MCM5: variants seen among roughly 807,000 people sequenced by gnomAD.
MCM5 encodes the protein DNA replication licensing factor MCM5.
MCM5 carries 46 observed loss-of-function variants against 79.9 expected under a neutral mutation model. The observed-to-expected ratio is 0.58, with a 90% CI of 0.45 to 0.74. The LOEUF (loss-of-function observed/expected upper bound fraction) is 0.74. Ranked by LOEUF, MCM5 falls within the 30% of genes least tolerant of loss-of-function variation. The probability of loss-of-function intolerance (pLI) is 0.00; values close to 1 mark genes in which losing one functional copy is unlikely to be tolerated. For missense variants in MCM5, 883 were observed against 1,017.0 expected, an observed-to-expected ratio of 0.87 and a Z score of 1.79; for synonymous variants, 404 against 390.5, an observed-to-expected ratio of 1.03 and a Z score of -0.41.
chr22:35,421,465 G>A lies in MCM5; in HGVS notation c.1975+5G>A. On this transcript the variant is annotated splice_donor_5th_base_variant and intron_variant, in intron 15 of 16. Coordinates refer to ENST00000216122, the MANE Select transcript of MCM5 (RefSeq NM_006739.4). ...CCTTGTCCGGTACCCTGTCAGGTGA[G>A]CAGATGCAGGGGCCATGGTCTCAAT... The A allele has an allele frequency of 6.2e-7, 1 of 1,614,094 alleles. No individual in the cohort carries two copies. The highest frequency in any genetic ancestry group is 1.1e-5 in the South Asian group (1 of 91,088).
Position 35,424,187 on chromosome 22 carries a change from C to CA in MCM5, c.2138dup (p.Leu714AlafsTer45), listed in dbSNP as rs1308074301. ...GGAGCACGCCATCCACAAGGTGCTG[C>CA]AGCTCATGCTGCGGCGCGGCGAGAT... On this transcript the variant is annotated frameshift_variant, in exon 17 of 17. Transcript: ENST00000216122. LOFTEE classifies it high-confidence loss of function. 6.4e-7 allele frequency: 1 copy of CA among 1,553,118 alleles called. No individual in the cohort carries two copies. Among genetic ancestry groups the CA allele is most frequent in the South Asian group, 1.2e-5 (1 of 84,022 alleles).
At chr22:35,441,491 A>C in the MCM5 span, among the ~76,000 whole-genome samples, 570 of 152,276 alleles carry the variant, frequency 3.7e-3, 7 homozygotes, top group African/African-American at 0.013. Context: ...TATCCCTCAC[A>C]CAGCCCCATA....
chr22:35,415,502 T>C (rs1932514873), intron 9 of MCM5, among the ~76,000 whole-genome samples: 1 of 152,190 alleles, frequency 6.6e-6, no homozygotes, highest in African/African-American at 2.4e-5. Flanking sequence ...ATCCTAGCCC[T>C]GAGGCTAACT....
chr22:35,412,213 C>T (rs946365481), intron 7 of MCM5, among the ~76,000 whole-genome samples: 1 of 152,204 alleles, frequency 6.6e-6, no homozygotes, highest in Non-Finnish European at 1.5e-5. Flanking sequence ...CTATATCACT[C>T]CTCGGCTGAA....
At chr22:35,414,101 TC>T (rs1932469241) in intron 9 of MCM5, 115 bp downstream of exon 9, 4 of 664,386 alleles carry the variant, frequency 6.0e-6, no homozygotes, top group Non-Finnish European at 1.1e-5. Context: ...AATCTCTTCC[TC>T]CTTTCTCTTG....
chr22:35,409,150 A>G (rs748434367), intron 6 of MCM5, among the ~76,000 whole-genome samples: 1 of 152,112 alleles, frequency 6.6e-6, no homozygotes, highest in Non-Finnish European at 1.5e-5. Context: ...TTTTTAGTAG[A>G]GATGAGGTTT....
intron 13 of MCM5, among the ~76,000 whole-genome samples, chr22:35,418,261 A>C (rs566917445): frequency 6.6e-6 from 1 of 152,216 alleles, no homozygotes; most frequent in African/African-American, 2.4e-5. Context: ...TAAGGATTGC[A>C]CAAGATGATG....
At chr22:35,453,815 T>TAGAGAGAGAGAG in the MCM5 span, among the ~76,000 whole-genome samples, 6 of 89,186 alleles carry the variant, frequency 6.7e-5, no homozygotes, top group East Asian at 3.0e-4. Flanking sequence ...TATATATATA[T>TAGAGAGAGAGAG]ATATAGAGAG....
chr22:35,430,993 G>A, the MCM5 span, among the ~76,000 whole-genome samples: 1 of 152,118 alleles, frequency 6.6e-6, no homozygotes, highest in South Asian at 2.1e-4. Context: ...GTGTCCATGA[G>A]GGGGCGCCAG....
downstream of MCM5, among the ~76,000 whole-genome samples, chr22:35,430,389 C>A (rs544051128): frequency 6.6e-6 from 1 of 152,138 alleles, no homozygotes; most frequent in African/African-American, 2.4e-5. Flanking sequence ...ACCTGGTGCC[C>A]GCTGGGCAGG....
At chr22:35,430,090 T>C (rs1172845961), downstream of MCM5, among the ~76,000 whole-genome samples, 1 of 151,900 alleles carries the variant, frequency 6.6e-6, no homozygotes, top group East Asian at 1.9e-4. Flanking sequence ...TCTGGAAGAG[T>C]TGTGGTCAGG....
chr22:35,417,506 T>C (rs532913300), intron 12 of MCM5, among the ~76,000 whole-genome samples: 1 of 152,364 alleles, frequency 6.6e-6, no homozygotes, highest in African/African-American at 2.4e-5. Context: ...CACCCCTTTA[T>C]GGACCAGGGC....
At chr22:35,418,521 G>T (rs2145798581) in intron 13 of MCM5, among the ~76,000 whole-genome samples, 1 of 152,196 alleles carries the variant, frequency 6.6e-6, no homozygotes, top group South Asian at 2.1e-4. Flanking sequence ...TTAGCCGGGT[G>T]TGGTGGTGCA....
At chr22:35,405,619 G>A (rs903153301) in intron 4 of MCM5, among the ~76,000 whole-genome samples, 1 of 151,828 alleles carries the variant, frequency 6.6e-6, no homozygotes, top group Non-Finnish European at 1.5e-5. Flanking sequence ...CGTCCGCCTC[G>A]GCCTTCCAAA....
At chr22:35,412,733 A>G (rs1243082222) in intron 8 of MCM5, 52 bp downstream of exon 8, 4 of 1,361,504 alleles carry the variant, frequency 2.9e-6, no homozygotes, top group Non-Finnish European at 3.9e-6. Flanking sequence ...GATGGGGCTC[A>G]CAGTAGGATA....
chr22:35,439,751 G>A, the MCM5 span, among the ~76,000 whole-genome samples: 1 of 152,198 alleles, frequency 6.6e-6, no homozygotes, highest in African/African-American at 2.4e-5. Flanking sequence ...ACTCTGTGAA[G>A]TTGGGCATTT....
chr22:35,415,310 A>G (rs1339821078), intron 9 of MCM5, among the ~76,000 whole-genome samples: 1 of 152,252 alleles, frequency 6.6e-6, no homozygotes. Context: ...TTATTGAGAT[A>G]CTTTACATTC....
the MCM5 span, among the ~76,000 whole-genome samples, chr22:35,430,965 A>G: frequency 1.3e-5 from 2 of 152,146 alleles, no homozygotes; most frequent in Non-Finnish European, 2.9e-5. Context: ...CAGCTGTCCC[A>G]GGGGTGCGAG....
chr22:35,409,270 G>C (rs1221376555), intron 6 of MCM5, among the ~76,000 whole-genome samples: 1 of 152,214 alleles, frequency 6.6e-6, no homozygotes, highest in Non-Finnish European at 1.5e-5. Context: ...GCGTACCCCA[G>C]GCTTTCTGTT....
Sources: allele counts gnomAD v4.1 joint callset (sites outside exome capture counted in the v4.1 genomes callset), GRCh38; gene constraint gnomAD v4.1.1; transcripts MANE v1.5; gene names NCBI Gene and HGNC (gene_info 2026-07-23, HGNC 2026-07-21).